Variants in MSR1 observed in about 807,000 individuals in gnomAD.
The protein encoded by MSR1 is macrophage scavenger receptor 1, also known as macrophage scavenger receptor types I and II.
MSR1 carries 53 observed loss-of-function variants against 47.2 expected under a neutral mutation model. The observed-to-expected ratio is 1.12, with a 90% CI of 0.90 to 1.41. MSR1 has a LOEUF of 1.41. MSR1 is among the 40% of genes most tolerant of loss of function. The probability of loss-of-function intolerance (pLI) is 0.00; values close to 1 mark genes in which losing one functional copy is unlikely to be tolerated. For missense variants in MSR1, 786 were observed against 546.9 expected (o/e 1.44, Z -4.36); for synonymous variants, 239 against 185.6 (o/e 1.29, Z -2.34).
chr8:16,140,939 C>A lies in MSR1; in HGVS notation c.1033+2619G>T. The A allele has an allele frequency of 1.9e-6, 3 of 1,613,460 alleles. No homozygotes were observed. The South Asian group carries it at 3.3e-5, about 18-fold the overall frequency. On this transcript the variant is annotated intron_variant, in intron 8 of 9. Transcript: ENST00000262101. ...GAAGTCAGTTGTGCAGATGACTTGT[C>A]CAGAGGTGAAGGGCCTTTTAATGAG...
rs770968732 is a variant in MSR1, at chr8:16,168,779, G to T, written c.309C>A (p.Asp103Glu). 3 of 1,613,896 alleles carry T rather than the reference G, an allele frequency of 1.9e-6. No homozygotes were observed. Among genetic ancestry groups the T allele is most frequent in the Non-Finnish European group, 2.5e-6 (3 of 1,179,998 alleles). ...CTTGAAATCTCATTTCCTCTTCGCT[G>T]TCATTTCCTTTTCCCGTGAGACTTT... ...ITQSLTGKGN[D>E]SEEEMRFQEV... The change falls in exon 4 of 10, where the codon GAC (aspartate) becomes GAA (glutamate). Residue 103 changes from aspartate to glutamate, a missense_variant. Transcript: ENST00000262101.
At chr8:16,119,848 A>C (rs981331943) in intron 9 of MSR1, among the ~76,000 whole-genome samples, 5 of 146,404 alleles carry the variant, frequency 3.4e-5, no homozygotes, top group Admixed American at 6.9e-5. Context: ...CTAGGACTGC[A>C]GGTGCATGCT....
chr8:16,183,201 C>T (rs1801886785), intron 1 of MSR1, among the ~76,000 whole-genome samples: 1 of 152,078 alleles, frequency 6.6e-6, no homozygotes, highest in African/African-American at 2.4e-5. Flanking sequence ...GGCTTTGATC[C>T]TCACATTTGA....
chr8:16,192,235 G>C (rs912645333), intron 1 of MSR1, among the ~76,000 whole-genome samples: 13 of 152,066 alleles, frequency 8.5e-5, no homozygotes, highest in African/African-American at 3.1e-4. Flanking sequence ...AAGGAGAATA[G>C]GTGAAATATG....
chr8:16,177,588 C>G (rs564808163), intron 2 of MSR1, among the ~76,000 whole-genome samples: 1 of 152,126 alleles, frequency 6.6e-6, no homozygotes, highest in South Asian at 2.1e-4. Context: ...GCACCTACCA[C>G]CCATGATTTT....
At chr8:16,151,130 A>G (rs1476773016) in intron 6 of MSR1, among the ~76,000 whole-genome samples, 1 of 152,114 alleles carries the variant, frequency 6.6e-6, no homozygotes, top group Non-Finnish European at 1.5e-5. Flanking sequence ...TTATCAATTC[A>G]GAGAGAACTC....
At chr8:16,170,658 T>C (rs1364937580) in intron 3 of MSR1, among the ~76,000 whole-genome samples, 1 of 152,130 alleles carries the variant, frequency 6.6e-6, no homozygotes, top group African/African-American at 2.4e-5. Flanking sequence ...TTTTATAGAT[T>C]TTTGAGAATT....
intron 1 of MSR1, among the ~76,000 whole-genome samples, chr8:16,189,362 T>A (rs1414531315): frequency 1.1e-5 from 1 of 90,342 alleles, no homozygotes; most frequent in Non-Finnish European, 1.8e-5. Context: ...TTATATATTT[T>A]TATATATATT....
At chr8:16,128,559 A>C (rs902159801) in intron 8 of MSR1, among the ~76,000 whole-genome samples, 1 of 152,116 alleles carries the variant, frequency 6.6e-6, no homozygotes, top group Non-Finnish European at 1.5e-5. Context: ...AAATGTCTAT[A>C]ATTTAAGCTA....
In MSR1 at chr8:16,175,329, GT is replaced by G. The variant is rs746869986; in HGVS notation, c.104-30del. 26 of 1,522,362 alleles carry G rather than the reference GT, an allele frequency of 1.7e-5. No homozygotes were observed. In the East Asian group the frequency reaches 2.3e-4, roughly 13 times the overall value. The allele number at this position is 1,522,362 out of a possible 1,614,324, so 94.3% of individuals were successfully genotyped here. On this transcript the variant is annotated intron_variant, in intron 2 of 9. Coordinates refer to ENST00000262101, the MANE Select transcript of MSR1 (RefSeq NM_138715.3). ...ATAAAACAAAAAAGCCCAGCCTACT[GT>G]TAGAAAGTGTTGTCTTCTTCCATAA...
chr8:16,175,001 A>G (rs933907438), intron 3 of MSR1, among the ~76,000 whole-genome samples, 186 bp downstream of exon 3: 1 of 152,090 alleles, frequency 6.6e-6, no homozygotes, highest in African/African-American at 2.4e-5. Flanking sequence ...TAATTTAAAA[A>G]CTATTTTTTT....
chr8:16,175,291 T>C lies in MSR1; in HGVS notation c.113A>G (p.Asn38Ser). The part of the protein sequence containing the change: ...MTALLPPNPK[N>S]SPSLQEKLKS... ...CAGTTTCTCTTGAAGGGAAGGGCTGTTTTTAGGATCTAATAAAACAAAAAA... is the reference window on the plus strand; with the variant it reads ...CAGTTTCTCTTGAAGGGAAGGGCTGCTTTTAGGATCTAATAAAACAAAAAA... Residue 38 changes from asparagine (N) to serine (S), a missense_variant, in exon 3 of 10, where the codon AAC (asparagine) becomes AGC (serine). Transcript: ENST00000262101. The C allele has an allele frequency of 6.2e-7, 1 of 1,613,618 alleles. No homozygotes were observed. The highest frequency in any genetic ancestry group is 1.3e-5 in the African/African-American group (1 of 75,028).
chr8:16,114,720 C>T (rs80298557), intron 9 of MSR1, among the ~76,000 whole-genome samples: 1 of 152,170 alleles, frequency 6.6e-6, no homozygotes, highest in East Asian at 1.9e-4. Flanking sequence ...AAACTTTATT[C>T]CTATAAGTCA....
intron 4 of MSR1, among the ~76,000 whole-genome samples, chr8:16,165,084 T>C (rs1398738291): frequency 2.0e-5 from 3 of 152,116 alleles, no homozygotes; most frequent in African/African-American, 7.2e-5. Flanking sequence ...TAAACAATGC[T>C]GCCATGAACA....
intron 5 of MSR1, among the ~76,000 whole-genome samples, chr8:16,157,657 T>C (rs565210678): frequency 1.3e-5 from 2 of 151,940 alleles, no homozygotes; most frequent in Middle Eastern, 3.2e-3. Flanking sequence ...GGGAATAAAA[T>C]AACAAATTAT....
chr8:16,175,794 A>T (rs555101126), intron 2 of MSR1, among the ~76,000 whole-genome samples: 1 of 152,198 alleles, frequency 6.6e-6, no homozygotes, highest in African/African-American at 2.4e-5. Context: ...TTGTATCTGC[A>T]TACCTCTTAT....
At chr8:16,190,051 TTA>T (rs1429015904) in intron 1 of MSR1, among the ~76,000 whole-genome samples, 3 of 151,260 alleles carry the variant, frequency 2.0e-5, no homozygotes, top group African/African-American at 7.3e-5. Context: ...AGTAGCGGGA[TTA>T]TAGGCGTTTG....
intron 1 of MSR1, chr8:16,186,132 G>A: frequency 1.3e-6 from 2 of 1,515,720 alleles, no homozygotes; most frequent in Non-Finnish European, 1.8e-6. Flanking sequence ...GTCCCTGAGT[G>A]CATAAATGAA....
At chr8:16,177,625 C>A (rs147414808) in intron 2 of MSR1, among the ~76,000 whole-genome samples, 108 of 152,138 alleles carry the variant, frequency 7.1e-4, no homozygotes, top group Non-Finnish European at 1.1e-3. Context: ...GTGCTAGGAT[C>A]ATATTTATCT....
Sources: gnomAD v4.1 joint callset for allele counts (sites outside exome capture counted in the v4.1 genomes callset) on GRCh38, gnomAD v4.1.1 for gene constraint, MANE v1.5 for transcripts, NCBI Gene and HGNC (gene_info 2026-07-23, HGNC 2026-07-21) for gene names.